EIF4E: variants seen among roughly 807,000 people sequenced by gnomAD.
EIF4E encodes the protein eukaryotic translation initiation factor 4E, also known as eIF-4F 25 kDa subunit.
For synonymous variants in EIF4E, 71 were observed against 88.5 expected (o/e 0.80, Z 1.11); for missense variants, 113 against 265.6 (o/e 0.43, Z 3.99).
At chr4:98,927,133 T>C (rs986363844) in intron 1 of EIF4E, among the ~76,000 whole-genome samples, 6 of 152,300 alleles carry the variant, frequency 3.9e-5, no homozygotes, top group African/African-American at 1.4e-4. Flanking sequence ...TCTTCATTAG[T>C]GTTATGTAAT....
At chr4:98,906,221 T>C (rs573721330) in intron 1 of EIF4E, among the ~76,000 whole-genome samples, 1 of 152,316 alleles carries the variant, frequency 6.6e-6, no homozygotes, top group South Asian at 2.1e-4. Context: ...AAAAATTTTT[T>C]TCCAGGTTAA....
intron 2 of EIF4E, among the ~76,000 whole-genome samples, chr4:98,898,324 T>C (rs922643105): frequency 2.6e-5 from 4 of 152,050 alleles, no homozygotes; most frequent in Non-Finnish European, 4.4e-5. Context: ...ACGGCAAAAA[T>C]GCGGCCAGGT....
rs914813494 is a variant in EIF4E, at chr4:98,891,540, T to C, written c.126-208A>G. On this transcript the variant is annotated intron_variant, in intron 2 of 6. Transcript: ENST00000450253. ...AAACATGAGGGGAAGCTAAGGACAT[T>C]AAGTGAATAAGCCAGCCCCCCTCCA... 42 of 579,870 alleles carry C rather than the reference T, an allele frequency of 7.2e-5. No individual in the cohort carries two copies. In the South Asian group the frequency reaches 8.5e-4, roughly 12 times the overall value. 35.9% of individuals were successfully genotyped at this position (579,870 alleles called of 1,614,324 possible).
chr4:98,881,422 A>G (rs1723688123), intron 6 of EIF4E, among the ~76,000 whole-genome samples: 1 of 151,708 alleles, frequency 6.6e-6, no homozygotes, highest in Non-Finnish European at 1.5e-5. Context: ...ATTTATTATG[A>G]TACTATAATT....
intron 5 of EIF4E, among the ~76,000 whole-genome samples, chr4:98,885,456 G>T (rs1308396927): frequency 2.0e-5 from 3 of 151,926 alleles, no homozygotes; most frequent in African/African-American, 7.2e-5. Flanking sequence ...TTTTGTTGTT[G>T]TTGTTGTTTG....
At chr4:98,918,678 GAAAT>G (rs1485830623) in intron 1 of EIF4E, among the ~76,000 whole-genome samples, 2 of 152,090 alleles carry the variant, frequency 1.3e-5, no homozygotes, top group Non-Finnish European at 2.9e-5. Context: ...TATTAATATA[GAAAT>G]AATTATGTTA....
At chr4:98,926,930 C>T (rs887729684) in intron 1 of EIF4E, among the ~76,000 whole-genome samples, 4 of 152,180 alleles carry the variant, frequency 2.6e-5, no homozygotes, top group Non-Finnish European at 5.9e-5. Flanking sequence ...CTGCAAAACT[C>T]AAGGGACCTA....
At chr4:98,886,286 G>A in intron 5 of EIF4E, 3 of 246,112 alleles carry the variant, frequency 1.2e-5, no homozygotes, top group South Asian at 1.2e-4. Flanking sequence ...TTGGGGTTTG[G>A]AACCTCTGTC....
chr4:98,909,567 TA>T, intron 1 of EIF4E: 1 of 666,964 alleles, frequency 1.5e-6, no homozygotes, highest in South Asian at 1.8e-5. Context: ...AATCCAGTAC[TA>T]AATGTTCTTT....
At chr4:98,884,629 G>C (rs183776916) in intron 6 of EIF4E, among the ~76,000 whole-genome samples, 1 of 152,038 alleles carries the variant, frequency 6.6e-6, no homozygotes, top group African/African-American at 2.4e-5. Flanking sequence ...TCCTGAACCC[G>C]GGAGGCGGAG....
intron 1 of EIF4E, among the ~76,000 whole-genome samples, chr4:98,922,146 TAAG>T (rs1240246748): frequency 2.0e-5 from 3 of 152,180 alleles, no homozygotes; most frequent in Non-Finnish European, 2.9e-5. Flanking sequence ...GTGCAACGGT[TAAG>T]AATATACACT....
At chr4:98,894,121 C>T (rs935719688) in intron 2 of EIF4E, among the ~76,000 whole-genome samples, 2 of 152,192 alleles carry the variant, frequency 1.3e-5, no homozygotes, top group African/African-American at 4.8e-5. Context: ...ATTCAGTAAA[C>T]CATGCTATAA....
intron 2 of EIF4E, 183 bp from the exon 3 acceptor site, chr4:98,891,515 A>G: frequency 1.6e-6 from 1 of 617,888 alleles, no homozygotes; most frequent in Non-Finnish European, 2.9e-6. Flanking sequence ...ACACTTCATA[A>G]AACATGAGGG....
chr4:98,898,975 A>C (rs1017511748), intron 2 of EIF4E, among the ~76,000 whole-genome samples: 6 of 152,048 alleles, frequency 3.9e-5, no homozygotes, highest in Non-Finnish European at 7.4e-5. Context: ...CTGTGTGGTA[A>C]AGTTTTCCTA....
intron 2 of EIF4E, among the ~76,000 whole-genome samples, chr4:98,897,211 T>C (rs867694353): frequency 6.6e-6 from 1 of 152,042 alleles, no homozygotes; most frequent in African/African-American, 2.4e-5. Context: ...CACAAAACTA[T>C]ACGAGTAGTC....
chr4:98,889,619 T>C (rs2110182891), intron 3 of EIF4E, among the ~76,000 whole-genome samples: 1 of 152,340 alleles, frequency 6.6e-6, no homozygotes, highest in Admixed American at 6.5e-5. Flanking sequence ...CACACATTTA[T>C]AGAAAACTGA....
chr4:98,886,976 C>CA lies in EIF4E; in HGVS notation c.399+102dup. ...CTGACCCTGATTTTCTAGTGTTGGG[C>CA]ATCCTTCTCTTAAATTAAGTAACAA... On this transcript the variant is annotated intron_variant, in intron 5 of 6. Coordinates refer to ENST00000450253, the MANE Select transcript of EIF4E (RefSeq NM_001968.5). The CA allele has an allele frequency of 2.5e-6, 3 of 1,203,846 alleles. No individual in the cohort carries two copies. The South Asian group carries it at 3.7e-5, about 15-fold the overall frequency. 74.6% of individuals were successfully genotyped at this position (1,203,846 alleles called of 1,614,324 possible). A position where few individuals can be genotyped will look rare whatever the true frequency, so the allele number is the denominator to read the frequency against.
intron 2 of EIF4E, among the ~76,000 whole-genome samples, chr4:98,897,406 A>T (rs569709920): frequency 1.3e-5 from 2 of 152,128 alleles, no homozygotes; most frequent in South Asian, 4.1e-4. Flanking sequence ...CCCTGTCTCT[A>T]CTAAAAATAC....
At chr4:98,892,349 A>C (rs1724182863) in intron 2 of EIF4E, among the ~76,000 whole-genome samples, 1 of 149,616 alleles carries the variant, frequency 6.7e-6, no homozygotes, top group Non-Finnish European at 1.5e-5. Flanking sequence ...ACAAAAAAAA[A>C]AAACAAAAAA....
Sources: gnomAD v4.1 joint callset for allele counts (sites outside exome capture counted in the v4.1 genomes callset) on GRCh38, gnomAD v4.1.1 for gene constraint, MANE v1.5 for transcripts, NCBI Gene and HGNC (gene_info 2026-07-23, HGNC 2026-07-21) for gene names.